ULK4: variants seen among roughly 807,000 people sequenced by gnomAD.
ULK4 encodes inactive serine/threonine-protein kinase ULK4.
Under a neutral mutation model 160.6 loss-of-function variants are expected in ULK4, and 133 were observed. The observed-to-expected ratio is 0.83, with a 90% CI of 0.72 to 0.96. ULK4 has a LOEUF of 0.96. ULK4 is among the 40% of genes least tolerant of loss of function. ULK4 has a pLI of 0.00. For missense variants in ULK4, 1,580 were observed against 1,499.5 expected, an observed-to-expected ratio of 1.05 and a Z score of -0.89; for synonymous variants, 534 against 539.8, an observed-to-expected ratio of 0.99 and a Z score of 0.15.
intron 7 of ULK4, among the ~76,000 whole-genome samples, chr3:41,917,884 G>A (rs1699024981): frequency 6.6e-6 from 1 of 152,132 alleles, no homozygotes; most frequent in South Asian, 2.1e-4. Flanking sequence ...CTACTCGGGA[G>A]GCTGAGGCAG....
At chr3:41,341,903 A>G (rs776795383) in intron 35 of ULK4, among the ~76,000 whole-genome samples, 1 of 152,250 alleles carries the variant, frequency 6.6e-6, no homozygotes, top group Non-Finnish European at 1.5e-5. Flanking sequence ...AACATGAAGC[A>G]TCTATAAAAT....
chr3:41,774,420 A>G (rs2039524240), intron 21 of ULK4, among the ~76,000 whole-genome samples: 1 of 150,812 alleles, frequency 6.6e-6, no homozygotes, highest in Non-Finnish European at 1.5e-5. Context: ...AAGGATATGA[A>G]CAGACACTTC....
At chr3:41,833,144 T>C (rs2041646287) in intron 18 of ULK4, among the ~76,000 whole-genome samples, 1 of 152,250 alleles carries the variant, frequency 6.6e-6, no homozygotes, top group Non-Finnish European at 1.5e-5. Flanking sequence ...TTTCACAATA[T>C]TGATTCTTCC....
At chr3:41,709,620 C>G (rs533583425) in intron 25 of ULK4, among the ~76,000 whole-genome samples, 1 of 152,124 alleles carries the variant, frequency 6.6e-6, no homozygotes, top group Admixed American at 6.5e-5. Context: ...CTCCTGACCT[C>G]ATAATCTGCC....
At chr3:41,814,961 T>G (rs1038337332) in intron 19 of ULK4, among the ~76,000 whole-genome samples, 1 of 147,356 alleles carries the variant, frequency 6.8e-6, no homozygotes, top group Non-Finnish European at 1.5e-5. Flanking sequence ...CAGGCTGGAG[T>G]GTAGTGGTGT....
intron 34 of ULK4, among the ~76,000 whole-genome samples, chr3:41,444,866 T>C (rs2083259809): frequency 6.6e-6 from 1 of 152,124 alleles, no homozygotes; most frequent in Non-Finnish European, 1.5e-5. Flanking sequence ...TTGGAAGTTC[T>C]GGCCAGGGCA....
intron 3 of ULK4, chr3:41,937,125 T>C (rs987864209): frequency 1.6e-5 from 7 of 443,582 alleles, no homozygotes; most frequent in African/African-American, 1.4e-4. Context: ...AAAAGTTGAA[T>C]ATGAATTACT....
intron 29 of ULK4, among the ~76,000 whole-genome samples, chr3:41,676,941 T>C (rs1355872412): frequency 7.9e-6 from 1 of 127,266 alleles, no homozygotes; most frequent in Non-Finnish European, 1.6e-5. Flanking sequence ...AGACAGAGTC[T>C]CAATCTATTG....
chr3:41,728,704 C>T (rs1251926492), intron 22 of ULK4, among the ~76,000 whole-genome samples: 1 of 152,106 alleles, frequency 6.6e-6, no homozygotes, highest in African/African-American at 2.4e-5. Context: ...CCCAAAAAAA[C>T]TGCCCTGGGT....
At chr3:41,938,973 G>T (rs1699866433) in intron 2 of ULK4, among the ~76,000 whole-genome samples, 1 of 151,988 alleles carries the variant, frequency 6.6e-6, no homozygotes, top group Non-Finnish European at 1.5e-5. Flanking sequence ...AACACAATAG[G>T]TCACTAAGTT....
At chr3:41,474,588 A>G (rs1473240958) in intron 32 of ULK4, among the ~76,000 whole-genome samples, 1 of 152,138 alleles carries the variant, frequency 6.6e-6, no homozygotes, top group Non-Finnish European at 1.5e-5. Flanking sequence ...CTGAGAGAAA[A>G]TATGTGCAAG....
chr3:41,443,001 A>G (rs1251503624), intron 34 of ULK4, among the ~76,000 whole-genome samples: 1 of 152,154 alleles, frequency 6.6e-6, no homozygotes, highest in African/African-American at 2.4e-5. Context: ...GCTTTCTAAT[A>G]TGGCTCAACT....
At chr3:41,755,133 C>T (rs2038757264) in intron 21 of ULK4, among the ~76,000 whole-genome samples, 1 of 152,156 alleles carries the variant, frequency 6.6e-6, no homozygotes, top group Non-Finnish European at 1.5e-5. Context: ...CATACACACA[C>T]ATGGTTAACG....
At chr3:41,601,519 G>C (rs1246001073) in intron 31 of ULK4, among the ~76,000 whole-genome samples, 1 of 152,112 alleles carries the variant, frequency 6.6e-6, no homozygotes, top group East Asian at 1.9e-4. Flanking sequence ...TGGAGGGTGA[G>C]AGGGAAACAG....
At chr3:41,423,778 C>T (rs2082713957) in intron 34 of ULK4, among the ~76,000 whole-genome samples, 1 of 152,180 alleles carries the variant, frequency 6.6e-6, no homozygotes, top group South Asian at 2.1e-4. Context: ...CCACACAGGG[C>T]AAGGGAGCTC....
chr3:41,681,335 C>T (rs917077015), intron 29 of ULK4, among the ~76,000 whole-genome samples, 173 bp downstream of exon 29: 2 of 152,186 alleles, frequency 1.3e-5, no homozygotes, highest in African/African-American at 4.8e-5. Context: ...TCTGAGTCTT[C>T]TGCAGTCTAA....
At chr3:41,347,294 T>C (rs1023036027) in intron 35 of ULK4, among the ~76,000 whole-genome samples, 1 of 152,230 alleles carries the variant, frequency 6.6e-6, no homozygotes, top group African/African-American at 2.4e-5. Flanking sequence ...ATGTGAAATG[T>C]CTTTTCATTT....
chr3:41,945,639 C>T (rs1055535946), intron 2 of ULK4, among the ~76,000 whole-genome samples: 1 of 152,180 alleles, frequency 6.6e-6, no homozygotes, highest in Non-Finnish European at 1.5e-5. Flanking sequence ...TATAAAGATA[C>T]ACAGCATTTC....
intron 32 of ULK4, among the ~76,000 whole-genome samples, chr3:41,565,172 GA>G (rs2087741948): frequency 6.6e-6 from 1 of 152,202 alleles, no homozygotes; most frequent in East Asian, 1.9e-4. Flanking sequence ...TTCACACAAT[GA>G]TAAAACTGCC....
Sources: gnomAD v4.1 joint callset for allele counts (sites outside exome capture counted in the v4.1 genomes callset) on GRCh38, gnomAD v4.1.1 for gene constraint, MANE v1.5 for transcripts, NCBI Gene and HGNC (gene_info 2026-07-23, HGNC 2026-07-21) for gene names.